ASCC3: variants seen among roughly 807,000 people sequenced by gnomAD.
ASCC3 encodes ASC-1 complex subunit P200.
In ASCC3, 158 loss-of-function variants were observed where a neutral mutation model predicts 256.3. That is an observed-to-expected ratio of 0.62 (90% CI 0.54 to 0.70). The LOEUF is 0.70. ASCC3 is among the 30% of genes least tolerant of loss of function. The probability of loss-of-function intolerance (pLI) is 0.00; values close to 1 mark genes in which losing one functional copy is unlikely to be tolerated. For synonymous variants in ASCC3, 948 were observed against 883.4 expected (o/e 1.07, Z -1.30); for missense variants, 2,259 against 2,626.0 (o/e 0.86, Z 3.05).
In ASCC3 at chr6:100,510,126, G is replaced by T. The variant is rs768934187; in HGVS notation, c.6286-19C>A. On this transcript the variant is annotated intron_variant, in intron 40 of 41. Transcript: ENST00000369162. Reference sequence around the variant, plus strand: ...GCTTTCCCTGTAAACCAGAAAAAAAGATACAACATTAAAAATATCTAGACT... The same window carrying T: ...GCTTTCCCTGTAAACCAGAAAAAAATATACAACATTAAAAATATCTAGACT... The T allele has an allele frequency of 6.2e-7, 1 of 1,613,668 alleles. No homozygotes were observed. The highest frequency in any genetic ancestry group is 1.1e-5 in the South Asian group (1 of 91,072).
At chr6:100,648,589 T>C (rs1346023855) in intron 20 of ASCC3, among the ~76,000 whole-genome samples, 7 of 152,006 alleles carry the variant, frequency 4.6e-5, no homozygotes, top group African/African-American at 9.7e-5. Context: ...AAATGGTAGA[T>C]AGAAGTATGA....
chr6:100,706,032 C>G (rs887904249), intron 13 of ASCC3, among the ~76,000 whole-genome samples: 9 of 151,726 alleles, frequency 5.9e-5, no homozygotes, highest in African/African-American at 2.2e-4. Context: ...TACACACATG[C>G]ACATAGTATA....
At chr6:100,643,333 A>G (rs901536210) in intron 23 of ASCC3, among the ~76,000 whole-genome samples, 2 of 152,176 alleles carry the variant, frequency 1.3e-5, no homozygotes, top group Middle Eastern at 3.2e-3. Context: ...GTGATTTATA[A>G]AGAAATTTAG....
chr6:100,644,527 T>C (rs1314393570), intron 22 of ASCC3, among the ~76,000 whole-genome samples: 1 of 152,232 alleles, frequency 6.6e-6, no homozygotes, highest in East Asian at 1.9e-4. Context: ...CATTCCTTTT[T>C]ATTGTCTAAT....
intron 11 of ASCC3, among the ~76,000 whole-genome samples, chr6:100,719,299 G>GGGAAATAAT (rs1779216486): frequency 6.6e-6 from 1 of 151,986 alleles, no homozygotes; most frequent in East Asian, 1.9e-4. Flanking sequence ...CAAAAGCAAG[G>GGGAAATAAT]AACCCTAAAT....
At chr6:100,650,039 GA>G (rs1222711640) in intron 20 of ASCC3, among the ~76,000 whole-genome samples, 1 of 151,556 alleles carries the variant, frequency 6.6e-6, no homozygotes, top group Admixed American at 6.6e-5. Context: ...AGAGAGGAGA[GA>G]TTACTTTTGT....
At chr6:100,596,073 T>C (rs1031441195) in intron 34 of ASCC3, among the ~76,000 whole-genome samples, 1 of 152,190 alleles carries the variant, frequency 6.6e-6, no homozygotes, top group East Asian at 1.9e-4. Flanking sequence ...TGTACAGCTA[T>C]GGTCTATACC....
At chr6:100,627,378 T>G (rs1304700494) in intron 29 of ASCC3, among the ~76,000 whole-genome samples, 1 of 152,178 alleles carries the variant, frequency 6.6e-6, no homozygotes, top group East Asian at 1.9e-4. Flanking sequence ...TTTATTCAAC[T>G]ACAAAGTCAT....
At chr6:100,832,763 A>ATTTTTTTATTG (rs1298121639) in intron 4 of ASCC3, among the ~76,000 whole-genome samples, 25 of 152,240 alleles carry the variant, frequency 1.6e-4, no homozygotes, top group African/African-American at 5.8e-4. Flanking sequence ...AATATTATCA[A>ATTTTTTTATTG]TCCCACAGAC....
At chr6:100,547,901 G>A (rs1285940756) in intron 36 of ASCC3, among the ~76,000 whole-genome samples, 1 of 151,834 alleles carries the variant, frequency 6.6e-6, no homozygotes, top group Admixed American at 6.6e-5. Context: ...AAACTTAAAT[G>A]TCCATCAACA....
At chr6:100,692,661 G>A (rs116497678) in intron 13 of ASCC3, among the ~76,000 whole-genome samples, 2,290 of 151,622 alleles carry the variant, frequency 0.015, 53 homozygotes, top group African/African-American at 0.052. Context: ...CTCTCTTTAG[G>A]GCATTAAGTG....
chr6:100,707,064 G>A (rs1369751242), intron 13 of ASCC3, among the ~76,000 whole-genome samples: 2 of 152,012 alleles, frequency 1.3e-5, no homozygotes, highest in Non-Finnish European at 2.9e-5. Flanking sequence ...CATCTCACAA[G>A]TATGTTAAAA....
chr6:100,539,983 C>T (rs920711099), intron 37 of ASCC3, among the ~76,000 whole-genome samples, 180 bp downstream of exon 37: 1 of 152,128 alleles, frequency 6.6e-6, no homozygotes, highest in African/African-American at 2.4e-5. Flanking sequence ...CTAAAACTGT[C>T]ATCTTATTTC....
At chr6:100,596,162 T>C (rs1267922498) in intron 34 of ASCC3, among the ~76,000 whole-genome samples, 1 of 152,146 alleles carries the variant, frequency 6.6e-6, no homozygotes, top group East Asian at 1.9e-4. Flanking sequence ...ATCCCTTTTA[T>C]TGCTTATTTC....
rs1020906688 is a variant in ASCC3, at chr6:100,628,924, TATAA to T, written c.4375+87_4375+90del. On this transcript the variant is annotated intron_variant, in intron 27 of 41. Transcript: ENST00000369162. ...AATCACATTGTGCCCTAGAAATATA[TATAA>T]ATATTACATGCAAATTAAAAATACT... 12 of 1,177,822 alleles carry T rather than the reference TATAA, an allele frequency of 1.0e-5. No homozygotes were observed. The Admixed American group carries it at 2.3e-4, about 22-fold the overall frequency. The allele number at this position is 1,177,822 out of a possible 1,614,324, so 73.0% of individuals were successfully genotyped here. A position where few individuals can be genotyped will look rare whatever the true frequency, so the allele number is the denominator to read the frequency against.
At position 100,803,762 on chromosome 6, in the gene ASCC3, T is replaced by C. The variant is rs557729014; in HGVS notation, c.922+1998A>G. On this transcript the variant is annotated intron_variant, in intron 5 of 41. Transcript: ENST00000369162. ...GAGAATCTGTAAGAAACAGAAAATC[T>C]GTCAGAAATTTTAGATTTAAATTAT... Among the ~76,000 whole-genome samples the C allele has an allele frequency of 4.6e-5, 7 of 152,316 alleles. No homozygotes were observed. The East Asian group carries it at 1.3e-3, about 29-fold the overall frequency.
At chr6:100,765,809 G>A (rs1221452195) in intron 10 of ASCC3, among the ~76,000 whole-genome samples, 1 of 152,116 alleles carries the variant, frequency 6.6e-6, no homozygotes, top group Non-Finnish European at 1.5e-5. Context: ...GGGGGCCCTA[G>A]GAAATTAATT....
intron 36 of ASCC3, among the ~76,000 whole-genome samples, chr6:100,571,364 C>T (rs1770583350): frequency 6.6e-6 from 1 of 152,126 alleles, no homozygotes; most frequent in South Asian, 2.1e-4. Context: ...ATAACAGCGT[C>T]CTCTAATTAT....
At chr6:100,775,402 G>A (rs2115154665) in intron 8 of ASCC3, among the ~76,000 whole-genome samples, 2 of 152,012 alleles carry the variant, frequency 1.3e-5, no homozygotes, top group East Asian at 3.9e-4. Flanking sequence ...TTATCAGAGG[G>A]AACTGAGGCC....
Sources: allele counts gnomAD v4.1 joint callset (sites outside exome capture counted in the v4.1 genomes callset), GRCh38; gene constraint gnomAD v4.1.1; transcripts MANE v1.5; gene names NCBI Gene and HGNC (gene_info 2026-07-23, HGNC 2026-07-21).